Variants in ENTREP2 observed in about 807,000 individuals in gnomAD.
ENTREP2 encodes protein ENTREP2.
the ENTREP2 span, among the ~76,000 whole-genome samples, chr15:29,173,865 G>A: frequency 6.7e-6 from 1 of 149,586 alleles, no homozygotes; most frequent in Non-Finnish European, 1.5e-5. Context: ...TTTATAATAT[G>A]TCTTATAATC....
the ENTREP2 span, among the ~76,000 whole-genome samples, chr15:29,547,680 T>C: frequency 6.6e-6 from 1 of 152,290 alleles, no homozygotes; most frequent in Admixed American, 6.5e-5. Context: ...AAACAATTTG[T>C]CTGTTCCTCA....
the ENTREP2 span, among the ~76,000 whole-genome samples, chr15:29,126,831 G>A: frequency 9.9e-5 from 15 of 152,186 alleles, no homozygotes; most frequent in Non-Finnish European, 1.9e-4. Context: ...GGACATCAAG[G>A]CATCCCCACC....
the ENTREP2 span, among the ~76,000 whole-genome samples, chr15:29,302,799 G>A: frequency 2.6e-5 from 4 of 152,062 alleles, no homozygotes; most frequent in South Asian, 2.1e-4. Flanking sequence ...TGAAATATTC[G>A]CTTTTTTTAT....
the ENTREP2 span, among the ~76,000 whole-genome samples, chr15:29,300,207 G>T: frequency 1.3e-5 from 2 of 150,456 alleles, no homozygotes; most frequent in South Asian, 4.2e-4. Context: ...TAGGTGGGTG[G>T]GTGGGTGTAC....
the ENTREP2 span, among the ~76,000 whole-genome samples, chr15:29,513,244 A>G: frequency 2.6e-5 from 4 of 152,172 alleles, no homozygotes; most frequent in African/African-American, 9.6e-5. Context: ...CCAGCAGTAA[A>G]GGGGCCAAGT....
chr15:29,521,714 C>G, the ENTREP2 span, among the ~76,000 whole-genome samples: 2 of 152,322 alleles, frequency 1.3e-5, no homozygotes, highest in Admixed American at 1.3e-4. Context: ...TCAGGGGCCT[C>G]TCCTGAACAG....
chr15:29,172,850 G>A, the ENTREP2 span, among the ~76,000 whole-genome samples: 1 of 152,062 alleles, frequency 6.6e-6, no homozygotes, highest in Non-Finnish European at 1.5e-5. Flanking sequence ...GGACTCTGAG[G>A]TGGCCTCCCA....
chr15:29,157,984 TG>T, the ENTREP2 span, among the ~76,000 whole-genome samples: 97 of 152,216 alleles, frequency 6.4e-4, 1 homozygote, highest in Non-Finnish European at 5.9e-5. Context: ...CCCAAAGTGC[TG>T]GGATTATAGA....
the ENTREP2 span, among the ~76,000 whole-genome samples, chr15:29,451,215 G>T: frequency 6.6e-6 from 1 of 152,168 alleles, no homozygotes; most frequent in African/African-American, 2.4e-5. Flanking sequence ...ATGGGGTCTA[G>T]AAAGAGTGCC....
the ENTREP2 span, among the ~76,000 whole-genome samples, chr15:29,134,316 C>A: frequency 3.3e-5 from 5 of 152,226 alleles, no homozygotes; most frequent in African/African-American, 1.2e-4. Context: ...AAGGATTCCT[C>A]TCCACAGGCA....
chr15:29,667,589 G>T, the ENTREP2 span, among the ~76,000 whole-genome samples: 2 of 148,916 alleles, frequency 1.3e-5, no homozygotes, highest in South Asian at 2.1e-4. Flanking sequence ...TGCCTCCAAG[G>T]TTCAAGCGAT....
the ENTREP2 span, among the ~76,000 whole-genome samples, chr15:29,657,319 C>T: frequency 5.9e-3 from 893 of 151,940 alleles, 16 homozygotes; most frequent in African/African-American, 0.02. Flanking sequence ...CTCAGCCTCC[C>T]AAAGCGCCCA....
the ENTREP2 span, among the ~76,000 whole-genome samples, chr15:29,396,035 T>A: frequency 2.0e-5 from 3 of 152,228 alleles, no homozygotes; most frequent in African/African-American, 7.2e-5. Context: ...GATTCTGGTA[T>A]ACATATACTG....
the ENTREP2 span, among the ~76,000 whole-genome samples, chr15:29,645,086 C>T: frequency 6.6e-6 from 1 of 152,048 alleles, no homozygotes; most frequent in Non-Finnish European, 1.5e-5. Flanking sequence ...CATTGGGAGA[C>T]CACAAACTTA....
chr15:29,443,965 G>A, the ENTREP2 span, among the ~76,000 whole-genome samples: 20 of 152,144 alleles, frequency 1.3e-4, no homozygotes, highest in South Asian at 3.3e-3. Flanking sequence ...TTAGCCAGGC[G>A]TGATGGTGGG....
chr15:29,491,387 G>A, the ENTREP2 span, among the ~76,000 whole-genome samples: 3 of 152,336 alleles, frequency 2.0e-5, no homozygotes, highest in East Asian at 1.9e-4. Context: ...CCCAGGAGGT[G>A]CAGAGAGTGA....
the ENTREP2 span, among the ~76,000 whole-genome samples, chr15:29,119,343 G>A: frequency 2.1e-5 from 1 of 46,634 alleles, no homozygotes; most frequent in African/African-American, 4.2e-5. Context: ...GTAAACTATC[G>A]CAAGAACAAA....
chr15:29,670,910 A>C, the ENTREP2 span, among the ~76,000 whole-genome samples: 1 of 152,324 alleles, frequency 6.6e-6, no homozygotes, highest in East Asian at 1.9e-4. Flanking sequence ...TTTTTTGTGT[A>C]CTAATGAGAT....
chr15:29,129,735 C>T, the ENTREP2 span, among the ~76,000 whole-genome samples: 1 of 152,126 alleles, frequency 6.6e-6, no homozygotes, highest in African/African-American at 2.4e-5. Context: ...TGCTCTCTGC[C>T]CCATCTTCAT....
Sources: allele counts gnomAD v4.1 joint callset (sites outside exome capture counted in the v4.1 genomes callset), GRCh38; gene constraint gnomAD v4.1.1; transcripts MANE v1.5; gene names NCBI Gene and HGNC (gene_info 2026-07-23, HGNC 2026-07-21).